LRRC27: variants seen among roughly 807,000 people sequenced by gnomAD.
LRRC27 encodes the protein leucine rich repeat containing 27.
Under a neutral mutation model 55.0 loss-of-function variants are expected in LRRC27, and 57 were observed. That is an observed-to-expected ratio of 1.04 (90% CI 0.84 to 1.29). The LOEUF (loss-of-function observed/expected upper bound fraction) is 1.29. Among genes scored for constraint, LRRC27 ranks in the 50% most tolerant of loss-of-function variants. The probability of loss-of-function intolerance (pLI) is 0.00; values close to 1 mark genes in which losing one functional copy is unlikely to be tolerated. For missense variants in LRRC27, 721 were observed against 651.5 expected, an observed-to-expected ratio of 1.11 and a Z score of -1.16; for synonymous variants, 278 against 251.9, an observed-to-expected ratio of 1.10 and a Z score of -0.98.
At position 132,372,771 on chromosome 10, in the gene LRRC27, C is replaced by T. The variant is rs533798270; in HGVS notation, c.1417-2295C>T. Among the ~76,000 whole-genome samples, 11 of 152,272 alleles carry T rather than the reference C, an allele frequency of 7.2e-5. No individual in the cohort carries two copies. The South Asian group carries it at 1.0e-3, about 14-fold the overall frequency. On this transcript the variant is annotated intron_variant, in intron 10 of 10. Transcript: ENST00000368614. The surrounding 1 kb of genome is among the most constrained non-coding windows in gnomAD (Gnocchi z 4.0). ...ACCTGCAGAAGGTCAGGTGCACAAC[C>T]GACCAGGAGGGCTGGCCAGCTCCAT...
At position 132,375,397 on chromosome 10, in the gene LRRC27, C is replaced by A; in HGVS notation, c.*155C>A. 1 of 617,610 alleles carries A rather than the reference C, an allele frequency of 1.6e-6. No individual in the cohort carries two copies. The highest frequency in any genetic ancestry group is 2.8e-6 in the Non-Finnish European group (1 of 362,206). The allele number at this position is 617,610 out of a possible 1,614,324, so 38.3% of individuals were successfully genotyped here. ...AGCCTGTTGTTTTCCTTAGACAGGTCCACGTCCCTCTCCTGAGGCTGTGGA... is the reference window on the plus strand; with the variant it reads ...AGCCTGTTGTTTTCCTTAGACAGGTACACGTCCCTCTCCTGAGGCTGTGGA... On this transcript the variant is annotated 3_prime_UTR_variant, in exon 11 of 11. Transcript: ENST00000368614.
intron 9 of LRRC27, among the ~76,000 whole-genome samples, chr10:132,364,700 G>A (rs1253750617): frequency 1.3e-4 from 1 of 7,918 alleles, no homozygotes; most frequent in Non-Finnish European, 3.3e-4. Context: ...CCACACCGTG[G>A]GGCCCCACAC....
chr10:132,352,841 T>C, intron 7 of LRRC27: 2 of 1,608,944 alleles, frequency 1.2e-6, no homozygotes, highest in East Asian at 2.2e-5. Context: ...GACACCTGCC[T>C]GCTTTCTTGT....
chr10:132,331,200 CAAAAAAAAA>C (rs35734065), upstream of LRRC27, among the ~76,000 whole-genome samples: 15 of 56,332 alleles, frequency 2.7e-4, no homozygotes, highest in African/African-American at 8.5e-4. Flanking sequence ...GACTCCACCT[CAAAAAAAAA>C]AAAAAAAAAA....
chr10:132,361,617 C>A, intron 9 of LRRC27, 42 bp downstream of exon 9: 1 of 1,402,406 alleles, frequency 7.1e-7, no homozygotes, highest in Non-Finnish European at 1.0e-6. Context: ...CAGGGCTCAG[C>A]CAGCCACCCA....
upstream of LRRC27, chr10:132,331,912 CA>C: frequency 1.2e-6 from 1 of 807,950 alleles, no homozygotes; most frequent in Non-Finnish European, 1.8e-6. Context: ...GCAGGCGCAC[CA>C]CAACCCCCCC....
chr10:132,365,336 C>T (rs550742061), intron 9 of LRRC27, 88 bp from the exon 10 acceptor site: 2 of 1,535,732 alleles, frequency 1.3e-6, no homozygotes, highest in East Asian at 2.3e-5. Flanking sequence ...GGAAGAAAGG[C>T]ACATGCTTTC....
intron 2 of LRRC27, 73 bp from the exon 3 acceptor site, chr10:132,337,492 A>G: frequency 6.4e-7 from 1 of 1,573,406 alleles, no homozygotes; most frequent in South Asian, 1.2e-5. Context: ...TTTTGGAAAT[A>G]GATTTTGGAT....
At chr10:132,371,983 C>T (rs114348518) in intron 10 of LRRC27, among the ~76,000 whole-genome samples, 2,487 of 152,326 alleles carry the variant, frequency 0.016, 71 homozygotes, top group African/African-American at 0.056. Flanking sequence ...CGATTTTGCA[C>T]GAAGGAAGCC....
At chr10:132,366,909 C>T (rs2069107701) in intron 10 of LRRC27, 1 of 1,285,388 alleles carries the variant, frequency 7.8e-7, no homozygotes, top group African/African-American at 1.5e-5. Context: ...GAGACCCCAC[C>T]CAACCTGACT....
intron 7 of LRRC27, among the ~76,000 whole-genome samples, chr10:132,354,687 G>T (rs1402585038): frequency 3.9e-5 from 6 of 152,252 alleles, no homozygotes; most frequent in Non-Finnish European, 8.8e-5. Context: ...CGTGGGCCGG[G>T]TAGAGCCCAG....
At chr10:132,331,612 G>T, upstream of LRRC27, 2 of 1,612,914 alleles carry the variant, frequency 1.2e-6, no homozygotes, top group East Asian at 2.2e-5. Context: ...TGAGCCCAGC[G>T]GGAAGGACAG....
Position 132,333,488 on chromosome 10 carries a change from C to A in LRRC27, c.-37C>A. The A allele has an allele frequency of 6.5e-7, 1 of 1,529,080 alleles. No homozygotes were observed. The highest frequency in any genetic ancestry group is 1.3e-5 in the South Asian group (1 of 79,916). The allele number at this position is 1,529,080 out of a possible 1,614,324, so 94.7% of individuals were successfully genotyped here. A position where few individuals can be genotyped will look rare whatever the true frequency, so the allele number is the denominator to read the frequency against. On this transcript the variant is annotated 5_prime_UTR_variant, in exon 2 of 11. Transcript: ENST00000368614. The stretch of plus-strand genomic sequence containing the variant: ...TCCCGTGTCTCCAGGTGACTCCAGA[C>A]CAAGGAGGATGAGCTGCTGTCCCTG...
chr10:132,363,910 G>C (rs929648291), intron 9 of LRRC27, among the ~76,000 whole-genome samples: 3 of 152,142 alleles, frequency 2.0e-5, no homozygotes, highest in African/African-American at 4.8e-5. Flanking sequence ...AATCTCGAAG[G>C]CCAACTAGGT....
intron 2 of LRRC27, chr10:132,336,998 C>A: frequency 1.1e-6 from 1 of 943,686 alleles, no homozygotes; most frequent in Admixed American, 3.8e-5. Flanking sequence ...CTTTACAACG[C>A]CACCGAGTTG....
In LRRC27 at chr10:132,372,270, G is replaced by C. The variant is rs1293942431; in HGVS notation, c.1417-2796G>C. On this transcript the variant is annotated intron_variant, in intron 10 of 10. Coordinates refer to ENST00000368614, the MANE Select transcript of LRRC27 (RefSeq NM_030626.3). This position sits in a 1 kb window ranked among gnomAD's most constrained non-coding sequence, Gnocchi z 4.0. ...CAGGAAGACAAAACCAACCACAGAAGGATGGGAAGTGGGGGTCGGGGTGCG... is the reference window on the plus strand; with the variant it reads ...CAGGAAGACAAAACCAACCACAGAACGATGGGAAGTGGGGGTCGGGGTGCG... Among the ~76,000 whole-genome samples the C allele has an allele frequency of 6.6e-6, 1 of 151,580 alleles. No homozygotes were observed. The highest frequency in any genetic ancestry group is 2.4e-5 in the African/African-American group (1 of 41,118).
intron 2 of LRRC27, among the ~76,000 whole-genome samples, chr10:132,333,943 C>T (rs1290132042): frequency 1.3e-5 from 2 of 152,236 alleles, no homozygotes; most frequent in East Asian, 3.8e-4. Context: ...GGAAATAGTA[C>T]ATCTATTTAG....
At position 132,351,636 on chromosome 10, in the gene LRRC27, T is replaced by TA; in HGVS notation, c.957dup (p.Pro320ThrfsTer85). 1 of 1,614,100 alleles carries TA rather than the reference T, an allele frequency of 6.2e-7. No individual in the cohort carries two copies. The highest frequency in any genetic ancestry group is 2.2e-5 in the East Asian group (1 of 44,882). ...AAGACAGCCTCCTCCAGGAGCATCT[T>TA]ACCCGACCTCTTGTCACCGTACCAA... On this transcript the variant is annotated frameshift_variant, in exon 7 of 11. Coordinates refer to ENST00000368614, the MANE Select transcript of LRRC27 (RefSeq NM_030626.3). LOFTEE classifies it high-confidence loss of function.
intron 5 of LRRC27, among the ~76,000 whole-genome samples, chr10:132,346,566 C>T (rs2067705883): frequency 6.6e-6 from 1 of 152,158 alleles, no homozygotes; most frequent in South Asian, 2.1e-4. Flanking sequence ...GTCCCAGCTA[C>T]TTGGGAGGCT....
Sources: allele counts gnomAD v4.1 joint callset (sites outside exome capture counted in the v4.1 genomes callset), GRCh38; gene constraint gnomAD v4.1.1; non-coding constraint Gnocchi (gnomAD v3.1); transcripts MANE v1.5; gene names NCBI Gene and HGNC (gene_info 2026-07-23, HGNC 2026-07-21).